The following NELL1 variants were observed in gnomAD, a reference collection of about 807,000 sequenced individuals.
The protein encoded by NELL1 is protein kinase C-binding protein NELL1.
A neutral mutation model predicts 107.4 loss-of-function variants in NELL1; 76 were observed. The ratio of observed to expected loss-of-function variants is 0.71; its 90% confidence interval spans 0.59 to 0.86. The LOEUF (loss-of-function observed/expected upper bound fraction) is 0.86, where lower values mean the gene tolerates loss of function less well. Ranked by LOEUF, NELL1 falls within the 40% of genes least tolerant of loss-of-function variation. The pLI is 0.00. For synonymous variants in NELL1, 353 were observed against 341.2 expected, an observed-to-expected ratio of 1.03 and a Z score of -0.38; for missense variants, 1,024 against 1,005.5, an observed-to-expected ratio of 1.02 and a Z score of -0.25.
intron 14 of NELL1, among the ~76,000 whole-genome samples, chr11:21,296,231 G>T (rs1849372996): frequency 6.6e-6 from 1 of 151,742 alleles, no homozygotes; most frequent in South Asian, 2.1e-4. Flanking sequence ...CTATTTTGGG[G>T]AGAAAAAATG....
chr11:21,460,314 C>T (rs1351571850), intron 15 of NELL1, among the ~76,000 whole-genome samples: 2 of 152,074 alleles, frequency 1.3e-5, no homozygotes, highest in Non-Finnish European at 2.9e-5. Flanking sequence ...AATGACTATC[C>T]TAAGGTGCCC....
At chr11:21,335,540 C>T (rs1590847124) in intron 14 of NELL1, among the ~76,000 whole-genome samples, 1 of 152,050 alleles carries the variant, frequency 6.6e-6, no homozygotes, top group South Asian at 2.1e-4. Flanking sequence ...ATTTCCAATG[C>T]CTTTTATTTG....
At chr11:20,918,740 C>G (rs1485499332) in intron 6 of NELL1, among the ~76,000 whole-genome samples, 1 of 151,992 alleles carries the variant, frequency 6.6e-6, no homozygotes. Context: ...GTCCCTCCCA[C>G]ATGTGGGAAT....
chr11:20,953,808 C>T (rs570971913), intron 11 of NELL1, among the ~76,000 whole-genome samples: 3 of 152,208 alleles, frequency 2.0e-5, no homozygotes, highest in Non-Finnish European at 2.9e-5. Flanking sequence ...TAGGTTTCTT[C>T]TCTGCATACA....
chr11:21,079,647 GTAAC>G (rs1378905642), intron 12 of NELL1, among the ~76,000 whole-genome samples: 7 of 151,946 alleles, frequency 4.6e-5, no homozygotes, highest in Admixed American at 3.9e-4. Flanking sequence ...TAAAACATGA[GTAAC>G]AAATTATTTA....
At chr11:20,893,726 T>G (rs982745016) in intron 5 of NELL1, among the ~76,000 whole-genome samples, 1 of 151,756 alleles carries the variant, frequency 6.6e-6, no homozygotes, top group African/African-American at 2.4e-5. Flanking sequence ...ATTATCAATT[T>G]AAGTGATTTA....
chr11:20,916,251 A>G (rs1042698990), intron 5 of NELL1, among the ~76,000 whole-genome samples: 1 of 151,930 alleles, frequency 6.6e-6, no homozygotes, highest in Non-Finnish European at 1.5e-5. Flanking sequence ...TCTATGTAAC[A>G]TACACACGCA....
intron 2 of NELL1, among the ~76,000 whole-genome samples, chr11:20,744,862 C>T (rs551137534): frequency 6.6e-6 from 1 of 152,262 alleles, no homozygotes; most frequent in East Asian, 1.9e-4. Context: ...CAAGCTTGTT[C>T]CTGCCTCAGA....
At chr11:21,371,611 G>A (rs1469511297) in intron 15 of NELL1, among the ~76,000 whole-genome samples, 2 of 152,072 alleles carry the variant, frequency 1.3e-5, no homozygotes, top group Non-Finnish European at 2.9e-5. Flanking sequence ...CAATGCCAAT[G>A]TATGTGTCAG....
At chr11:20,974,187 T>C (rs1377205910) in intron 12 of NELL1, among the ~76,000 whole-genome samples, 7 of 152,170 alleles carry the variant, frequency 4.6e-5, no homozygotes, top group African/African-American at 9.7e-5. Context: ...TAAGTATTCG[T>C]TGAATAAATG....
intron 10 of NELL1, among the ~76,000 whole-genome samples, chr11:20,938,463 C>G (rs1408939925): frequency 1.3e-5 from 2 of 152,094 alleles, no homozygotes; most frequent in African/African-American, 4.8e-5. Flanking sequence ...AAGAATTAAA[C>G]AAACGTATAA....
chr11:21,268,218 G>T (rs887764518), intron 14 of NELL1, among the ~76,000 whole-genome samples: 1 of 152,096 alleles, frequency 6.6e-6, no homozygotes, highest in Non-Finnish European at 1.5e-5. Flanking sequence ...TAATGTGAGT[G>T]TTTAAAACTC....
chr11:21,350,308 A>G (rs878862702), intron 14 of NELL1, among the ~76,000 whole-genome samples: 1 of 152,148 alleles, frequency 6.6e-6, no homozygotes, highest in Admixed American at 6.6e-5. Flanking sequence ...AACTAACAGC[A>G]CTAGTAATGG....
chr11:20,841,585 A>G (rs1848624041), intron 3 of NELL1, among the ~76,000 whole-genome samples: 1 of 152,128 alleles, frequency 6.6e-6, no homozygotes, highest in Admixed American at 6.6e-5. Flanking sequence ...AGGAATTTAG[A>G]CCTGAGCTGG....
rs530063880 is a variant in NELL1, at chr11:21,403,631, A to C, written c.1645+32683A>C. On this transcript the variant is annotated intron_variant, in intron 15 of 19. Transcript: ENST00000357134. Reference sequence around the variant, plus strand: ...CAAAAAAAAAAAAAAATGTGCCTTTAATTGGCTCTCACTGCACTAATTGGA... The same window carrying C: ...CAAAAAAAAAAAAAAATGTGCCTTTCATTGGCTCTCACTGCACTAATTGGA... Among the ~76,000 whole-genome samples, 2 of 151,598 alleles carry C rather than the reference A, an allele frequency of 1.3e-5. 1 individual carries two copies. The highest frequency in any genetic ancestry group is 4.8e-5 in the African/African-American group (2 of 41,294).
chr11:21,479,146 A>G (rs1332385184), intron 15 of NELL1, among the ~76,000 whole-genome samples: 1 of 152,148 alleles, frequency 6.6e-6, no homozygotes, highest in Non-Finnish European at 1.5e-5. Context: ...GTCAAAAAGT[A>G]AAAATTGAGC....
intron 12 of NELL1, among the ~76,000 whole-genome samples, chr11:20,991,795 CTTATCA>C (rs1851980228): frequency 6.6e-6 from 1 of 152,134 alleles, no homozygotes; most frequent in South Asian, 2.1e-4. Context: ...ATTCTCCAGG[CTTATCA>C]TTATGCATGT....
intron 12 of NELL1, among the ~76,000 whole-genome samples, chr11:21,098,839 ATG>A (rs1383413872): frequency 6.6e-6 from 1 of 151,772 alleles, no homozygotes. Flanking sequence ...CCTCTCGTGT[ATG>A]TGTGTGTTTG....
intron 12 of NELL1, among the ~76,000 whole-genome samples, chr11:21,073,987 G>T (rs1039284094): frequency 6.6e-5 from 10 of 152,138 alleles, no homozygotes; most frequent in African/African-American, 2.2e-4. Context: ...AATAGGTGTT[G>T]AATGTCAAGT....
Sources: allele counts gnomAD v4.1 joint callset (sites outside exome capture counted in the v4.1 genomes callset), GRCh38; gene constraint gnomAD v4.1.1; transcripts MANE v1.5; gene names NCBI Gene and HGNC (gene_info 2026-07-23, HGNC 2026-07-21).